Variants in RD3 observed in about 807,000 individuals in gnomAD.
RD3 encodes the protein RD3 regulator of GUCY2D.
In RD3, 11 loss-of-function variants were observed where a neutral mutation model predicts 16.9. The observed-to-expected ratio is 0.65, with a 90% CI of 0.41 to 1.08. The LOEUF (loss-of-function observed/expected upper bound fraction) is 1.08. RD3 is among the 50% of genes least tolerant of loss of function. The pLI, the probability that RD3 is intolerant of heterozygous loss-of-function variation, is 0.00. For synonymous variants in RD3, 116 were observed against 114.8 expected (o/e 1.01, Z -0.07); for missense variants, 274 against 267.4 (o/e 1.02, Z -0.17).
At position 211,478,537 on chromosome 1, in the gene RD3, A is replaced by G. The variant is rs1324622770; in HGVS notation, c.*499T>C. The G allele has an allele frequency of 4.5e-6, 1 of 223,874 alleles. No individual in the cohort carries two copies. Among genetic ancestry groups the G allele is most frequent in the Admixed American group, 5.7e-5 (1 of 17,530 alleles). 13.9% of individuals were successfully genotyped at this position (223,874 alleles called of 1,614,324 possible). ...TGGTCCCTTCCAGCTGTGCCTGCCT[A>G]TGAGGCTGTGTGTGACCCACCTGCA... On this transcript the variant is annotated 3_prime_UTR_variant, in exon 3 of 3. Coordinates refer to ENST00000680073, the MANE Select transcript of RD3 (RefSeq NM_001164688.2).
intron 1 of RD3, among the ~76,000 whole-genome samples, chr1:211,489,527 G>T (rs1345945238): frequency 6.6e-6 from 1 of 150,796 alleles, no homozygotes; most frequent in Admixed American, 6.6e-5. Context: ...TTCACATGTT[G>T]ATAGGGAAGC....
intron 1 of RD3, among the ~76,000 whole-genome samples, chr1:211,484,738 C>A (rs561095457): frequency 6.6e-6 from 1 of 152,216 alleles, no homozygotes; most frequent in African/African-American, 2.4e-5. Context: ...GGACTGCTCT[C>A]GGCCCTCAGC....
chr1:211,478,978 A>AC lies in RD3; in HGVS notation c.*57dup. 6.8e-6 allele frequency: 10 copies of AC among 1,479,798 alleles called. No individual in the cohort carries two copies. Among genetic ancestry groups the AC allele is most frequent in the Non-Finnish European group, 9.0e-6 (10 of 1,112,042 alleles). The allele number at this position is 1,479,798 out of a possible 1,614,324, so 91.7% of individuals were successfully genotyped here. ...GGTTCCAGGGCCCGGCGCTCCGGTC[A>AC]CCGGCCTATCATTCCCCCTGCAGAA... On this transcript the variant is annotated 3_prime_UTR_variant, in exon 3 of 3. Transcript: ENST00000680073.
At position 211,489,385 on chromosome 1, in the gene RD3, T is replaced by C. The variant is rs1228699359; in HGVS notation, c.-12+2383A>G. 2.6e-5 allele frequency among the ~76,000 whole-genome samples: 4 copies of C among 152,032 alleles called. No individual in the cohort carries two copies. In the East Asian group the frequency reaches 5.8e-4, roughly 22 times the overall value. On this transcript the variant is annotated intron_variant, in intron 1 of 2. Coordinates refer to ENST00000680073, the MANE Select transcript of RD3 (RefSeq NM_001164688.2). ...GACCACAGTAATATCAGTAGCCCCATGGCTTTATCTCCAGCAGAAACCACA... is the reference window on the plus strand; with the variant it reads ...GACCACAGTAATATCAGTAGCCCCACGGCTTTATCTCCAGCAGAAACCACA...
rs1705504397 is a variant in RD3 at position 211,492,085 on chromosome 1, GTGTGTGTA to G, written c.-337_-330del. The G allele has an allele frequency of 7.0e-6, 1 of 142,666 alleles. No homozygotes were observed. Among genetic ancestry groups the G allele is most frequent in the Admixed American group, 7.4e-5 (1 of 13,546 alleles). The allele number at this position is 142,666 out of a possible 1,614,324, so 8.8% of individuals were successfully genotyped here. On this transcript the variant is annotated 5_prime_UTR_variant, in exon 1 of 3. The change abolishes the stop of an existing upstream ORF in the 5' untranslated region. Coordinates refer to ENST00000680073, the MANE Select transcript of RD3 (RefSeq NM_001164688.2). ...TGTGTGTGTGTGTGTGTGTGTGTGTGTGTGTGTATGCGTGTATGTATCCCGCGAGGCTG... is the reference window on the plus strand; with the variant it reads ...TGTGTGTGTGTGTGTGTGTGTGTGTGTGCGTGTATGTATCCCGCGAGGCTG...
rs386834260 is a variant in RD3, at chr1:211,481,119, C to A, written c.296+1G>T. 1.9e-6 allele frequency: 3 copies of A among 1,614,176 alleles called. No homozygotes were observed. The highest frequency in any genetic ancestry group is 2.5e-6 in the Non-Finnish European group (3 of 1,180,016). On this transcript the variant is annotated splice_donor_variant, in intron 2 of 2. Coordinates refer to ENST00000680073, the MANE Select transcript of RD3 (RefSeq NM_001164688.2). LOFTEE classifies it high-confidence loss of function. The stretch of plus-strand genomic sequence containing the variant: ...GCAAGGGTCCCCATCCCAGTGCTCA[C>A]CTGAGGATAGCAGGCCCACAATAGG...
At chr1:211,487,663 C>T (rs1462684063) in intron 1 of RD3, among the ~76,000 whole-genome samples, 5 of 152,222 alleles carry the variant, frequency 3.3e-5, no homozygotes, top group East Asian at 3.8e-4. Flanking sequence ...CGTTGTTCCT[C>T]GGGACCCCTG....
rs1174837696 is a variant in RD3, at chr1:211,479,046, T to C, written c.578A>G (p.Lys193Arg). The C allele has an allele frequency of 1.3e-6, 2 of 1,599,398 alleles. No homozygotes were observed. The highest frequency in any genetic ancestry group is 8.5e-7 in the Non-Finnish European group (1 of 1,174,428). Residue 193 changes from lysine (K) to arginine (R), a missense_variant, in exon 3 of 3, where the codon AAA (lysine) becomes AGA (arginine). Physicochemically the swap from Lys to Arg is conservative, Grantham distance 26. Transcript: ENST00000680073. The stretch of plus-strand genomic sequence containing the variant: ...GGGAAGCGGCCGGGGTCAGTCGGCT[T>C]TGGGCGCCCGGAATTCGGGCATGCT... ...SWSMPEFRAPKAD is the reference protein window; with the variant it reads ...SWSMPEFRAPRAD
At chr1:211,484,657 C>T (rs1051328313) in intron 1 of RD3, among the ~76,000 whole-genome samples, 1 of 152,216 alleles carries the variant, frequency 6.6e-6, no homozygotes, top group Non-Finnish European at 1.5e-5. Flanking sequence ...TTCCTAACAA[C>T]ATGGAGGGTG....
Position 211,481,182 on chromosome 1 carries a change from C to A in RD3, c.234G>T (p.Arg78=), listed in dbSNP as rs1467892653. ...RSTYDLSPIE[R]LQLEDVCVKI... ...TAACGCAGACATCTTCCAGCTGCAA[C>A]CGCTCAATGGGGCTGAGGTCATAGG... Residue 78 remains arginine (R), a synonymous_variant, in exon 2 of 3, where the codon CGG becomes CGT. Transcript: ENST00000680073. 6.2e-7 allele frequency: 1 copy of A among 1,614,270 alleles called. No individual in the cohort carries two copies. Among genetic ancestry groups the A allele is most frequent in the Admixed American group, 1.7e-5 (1 of 60,034 alleles).
intron 1 of RD3, among the ~76,000 whole-genome samples, chr1:211,488,398 G>A (rs907152505): frequency 1.3e-5 from 2 of 152,090 alleles, no homozygotes; most frequent in African/African-American, 4.8e-5. Context: ...AGCCAGGTGT[G>A]GTTGCAGATG....
chr1:211,484,082 GCCACTCTCT>G (rs1705328225), intron 1 of RD3, among the ~76,000 whole-genome samples: 1 of 152,106 alleles, frequency 6.6e-6, no homozygotes, highest in African/African-American at 2.4e-5. Context: ...GGTAGATGTG[GCCACTCTCT>G]ACCTTGTCCC....
chr1:211,478,979 C>T lies in RD3; in HGVS notation c.*57G>A. ...GTTCCAGGGCCCGGCGCTCCGGTCA[C>T]CGGCCTATCATTCCCCCTGCAGAAG... On this transcript the variant is annotated 3_prime_UTR_variant, in exon 3 of 3. Coordinates refer to ENST00000680073, the MANE Select transcript of RD3 (RefSeq NM_001164688.2). 6.7e-7 allele frequency: 1 copy of T among 1,484,476 alleles called. No individual in the cohort carries two copies. The highest frequency in any genetic ancestry group is 9.0e-7 in the Non-Finnish European group (1 of 1,115,026). 92.0% of individuals were successfully genotyped at this position (1,484,476 alleles called of 1,614,324 possible).
chr1:211,481,313 C>G lies in RD3; in HGVS notation c.103G>C (p.Gly35Arg). ...VLETLMMELT[G>R]QMREAERQQR... Reference sequence around the variant, plus strand: ...TGCCTCTCAGCCTCTCGCATCTGCCCCGTCAGCTCCATCATAAGCGTCTCC... The same window carrying G: ...TGCCTCTCAGCCTCTCGCATCTGCCGCGTCAGCTCCATCATAAGCGTCTCC... Residue 35 changes from glycine (G) to arginine (R), a missense_variant, in exon 2 of 3, where the codon GGG becomes CGG. Coordinates refer to ENST00000680073, the MANE Select transcript of RD3 (RefSeq NM_001164688.2). The G allele has an allele frequency of 6.2e-7, 1 of 1,614,244 alleles. No homozygotes were observed. Among genetic ancestry groups the G allele is most frequent in the Non-Finnish European group, 8.5e-7 (1 of 1,180,048 alleles).
chr1:211,480,411 C>G (rs748190363), intron 2 of RD3, among the ~76,000 whole-genome samples: 1 of 152,098 alleles, frequency 6.6e-6, no homozygotes, highest in Admixed American at 6.5e-5. Context: ...GGGAGACTAA[C>G]AGGAGTTTTA....
chr1:211,481,086 G>A, intron 2 of RD3, 34 bp downstream of exon 2: 2 of 1,610,462 alleles, frequency 1.2e-6, no homozygotes, highest in African/African-American at 1.3e-5. Context: ...CCTGGAGCCT[G>A]CAGCCCAGCA....
At chr1:211,482,201 A>C (rs1290846181) in intron 1 of RD3, among the ~76,000 whole-genome samples, 1 of 149,146 alleles carries the variant, frequency 6.7e-6, no homozygotes, top group East Asian at 1.9e-4. Flanking sequence ...CAGCCTGGGC[A>C]AAAAGAGCAA....
intron 1 of RD3, among the ~76,000 whole-genome samples, chr1:211,486,576 C>T (rs961224248): frequency 9.4e-5 from 14 of 148,414 alleles, no homozygotes; most frequent in African/African-American, 3.0e-4. Flanking sequence ...GGGCTGGGCA[C>T]GGTGGCTCAC....
rs576584408 is a variant in RD3 at position 211,484,239 on chromosome 1, A to G, written c.-11-2813T>C. Among the ~76,000 whole-genome samples the G allele has an allele frequency of 2.6e-5, 4 of 152,324 alleles. No individual in the cohort carries two copies. In the East Asian group the frequency reaches 7.7e-4, roughly 29 times the overall value. On this transcript the variant is annotated intron_variant, in intron 1 of 2. Coordinates refer to ENST00000680073, the MANE Select transcript of RD3 (RefSeq NM_001164688.2). The stretch of plus-strand genomic sequence containing the variant: ...CACCTTTCCATCCCTGGGGCTGGAC[A>G]TGTAGTCAGTAGGCACTTAATAAAT...
Sources: gnomAD v4.1 joint callset for allele counts (sites outside exome capture counted in the v4.1 genomes callset) on GRCh38, gnomAD v4.1.1 for gene constraint, MANE v1.5 for transcripts, NCBI Gene and HGNC (gene_info 2026-07-23, HGNC 2026-07-21) for gene names.